Variants in ZFYVE28 observed in about 807,000 individuals in gnomAD.
ZFYVE28 encodes lateral signaling target protein 2 homolog.
A neutral mutation model predicts 82.1 loss-of-function variants in ZFYVE28; 40 were observed. The ratio of observed to expected loss-of-function variants is 0.49; its 90% CI spans 0.38 to 0.63. ZFYVE28 has a LOEUF of 0.63. ZFYVE28 is among the 30% of genes least tolerant of loss of function. The pLI is 0.00. For synonymous variants in ZFYVE28, 612 were observed against 546.1 expected (o/e 1.12, Z -1.68); for missense variants, 1,321 against 1,242.1 (o/e 1.06, Z -0.96).
intron 7 of ZFYVE28, chr4:2,316,469 A>C (rs941765673): frequency 6.6e-6 from 1 of 152,470 alleles, no homozygotes; most frequent in African/African-American, 2.4e-5. Flanking sequence ...CAGCCTCCTG[A>C]GCAGCTGGGA....
intron 1 of ZFYVE28, among the ~76,000 whole-genome samples, chr4:2,407,121 C>A (rs201066120): frequency 4.9e-5 from 2 of 40,648 alleles, no homozygotes; most frequent in African/African-American, 1.2e-4. Context: ...GACTCCTGGG[C>A]CCCACCATTG....
At chr4:2,321,909 C>A (rs1578080327) in intron 6 of ZFYVE28, among the ~76,000 whole-genome samples, 1 of 152,144 alleles carries the variant, frequency 6.6e-6, no homozygotes, top group Non-Finnish European at 1.5e-5. Context: ...GGGGACAAGG[C>A]CCACCCATGA....
intron 8 of ZFYVE28, among the ~76,000 whole-genome samples, chr4:2,276,013 C>T (rs1053549712): frequency 1.5e-4 from 23 of 152,244 alleles, no homozygotes; most frequent in Non-Finnish European, 2.9e-4. Flanking sequence ...TGGCGTGAGT[C>T]TTTTCACAGA....
intron 8 of ZFYVE28, among the ~76,000 whole-genome samples, chr4:2,303,557 A>G (rs1715953089): frequency 1.3e-5 from 2 of 152,098 alleles, no homozygotes; most frequent in Admixed American, 6.5e-5. Flanking sequence ...CCAGGGGGTC[A>G]ATGGCCCTGA....
At chr4:2,366,426 G>C (rs1208534227) in intron 1 of ZFYVE28, among the ~76,000 whole-genome samples, 1 of 152,184 alleles carries the variant, frequency 6.6e-6, no homozygotes, top group Non-Finnish European at 1.5e-5. Context: ...GACTGGTTTA[G>C]ACACCCCAAC....
chr4:2,381,631 T>C (rs538794355), intron 1 of ZFYVE28, among the ~76,000 whole-genome samples: 1 of 152,296 alleles, frequency 6.6e-6, no homozygotes, highest in East Asian at 1.9e-4. Flanking sequence ...GGTCTCAAGC[T>C]CCTGACCTCA....
chr4:2,362,045 A>G lies in ZFYVE28; in HGVS notation c.40-7972T>C, dbSNP rs1726236763. On this transcript the variant is annotated intron_variant, in intron 1 of 12. Transcript: ENST00000290974. The surrounding 1 kb of genome is among the most constrained non-coding windows in gnomAD (Gnocchi z 5.1). ...CTCCCCACACAGCTGAACCCAGGAC[A>G]TAAGCTGGGCTCTAAGCTCCAGTTC... 1.3e-5 allele frequency among the ~76,000 whole-genome samples: 2 copies of G among 152,086 alleles called. No individual in the cohort carries two copies. Among genetic ancestry groups the G allele is most frequent in the Admixed American group, 1.3e-4 (2 of 15,276 alleles).
chr4:2,395,195 G>A (rs1198975809), intron 1 of ZFYVE28, among the ~76,000 whole-genome samples: 3 of 118,194 alleles, frequency 2.5e-5, no homozygotes, highest in Admixed American at 9.1e-5. Context: ...CCCCATCTCG[G>A]TTCCTTCTGC....
chr4:2,304,879 G>A lies in ZFYVE28; in HGVS notation c.1461C>T (p.His487=). 6.2e-7 allele frequency: 1 copy of A among 1,612,692 alleles called. No homozygotes were observed. The highest frequency in any genetic ancestry group is 8.5e-7 in the Non-Finnish European group (1 of 1,179,866). ...SSCSCLDSRL[H]LDGWEVGADD... ...CCGCACCCACCTCCCAGCCGTCCAG[G>A]TGCAGCCGCGAGTCCAGGCAGCTGC... Residue 487 remains histidine (H), a synonymous_variant, in exon 8 of 13, where the codon CAC becomes CAT. Coordinates refer to ENST00000290974, the MANE Select transcript of ZFYVE28 (RefSeq NM_020972.3).
intron 1 of ZFYVE28, among the ~76,000 whole-genome samples, chr4:2,415,454 A>ACACACACACACAC (rs1166101651): frequency 6.8e-6 from 1 of 147,570 alleles, no homozygotes; most frequent in East Asian, 1.9e-4. Flanking sequence ...CTGTCTCTAC[A>ACACACACACACAC]CACACACACA....
chr4:2,387,831 C>T (rs914425514), intron 1 of ZFYVE28, among the ~76,000 whole-genome samples: 7 of 152,326 alleles, frequency 4.6e-5, no homozygotes, highest in African/African-American at 1.7e-4. Flanking sequence ...AAGAACTACC[C>T]GATAAGGAAT....
At chr4:2,363,715 C>A (rs931337763) in intron 1 of ZFYVE28, among the ~76,000 whole-genome samples, 1 of 152,230 alleles carries the variant, frequency 6.6e-6, no homozygotes, top group Non-Finnish European at 1.5e-5. Context: ...GCAGTGCCCA[C>A]AGGCAGAAGT....
chr4:2,370,536 C>A (rs3128806), intron 1 of ZFYVE28, among the ~76,000 whole-genome samples: 102,049 of 151,926 alleles, frequency 0.67, 34,536 homozygotes, highest in East Asian at 0.8. Flanking sequence ...CAAATCTTCC[C>A]CCCGTGCAGG....
At chr4:2,347,682 TGAAATCAAAGAG>T (rs1723791634) in intron 2 of ZFYVE28, among the ~76,000 whole-genome samples, 2 of 150,168 alleles carry the variant, frequency 1.3e-5, no homozygotes, top group African/African-American at 5.0e-5. Flanking sequence ...GAATCAAACA[TGAAATCAAAGAG>T]GAAATCAAAA....
chr4:2,321,384 A>G (rs566828487), intron 6 of ZFYVE28, among the ~76,000 whole-genome samples: 3 of 152,252 alleles, frequency 2.0e-5, no homozygotes, highest in African/African-American at 7.2e-5. Context: ...TTCCCTAAAA[A>G]TCGTTGGGTT....
chr4:2,393,875 C>T (rs1334196840), intron 1 of ZFYVE28, among the ~76,000 whole-genome samples: 1 of 152,206 alleles, frequency 6.6e-6, no homozygotes. Flanking sequence ...CAAATCACTA[C>T]AAACTCCACG....
chr4:2,290,377 C>A (rs570245619), intron 8 of ZFYVE28, among the ~76,000 whole-genome samples: 212 of 152,334 alleles, frequency 1.4e-3, no homozygotes, highest in Admixed American at 3.3e-3. Flanking sequence ...TCACAATGTG[C>A]CTGGTGAGAC....
rs987174296 is a variant in ZFYVE28 at position 2,300,789 on chromosome 4, C to G, written c.2051+3500G>C. On this transcript the variant is annotated intron_variant, in intron 8 of 12. Transcript: ENST00000290974. This position sits in a 1 kb window ranked among gnomAD's most constrained non-coding sequence, Gnocchi z 4.6. ...GCGACTCGCACGTGAGACTGGAAGC[C>G]GTGAATCAAGGCCGTGCCCACTGTT... 2.0e-5 allele frequency among the ~76,000 whole-genome samples: 3 copies of G among 152,122 alleles called. No homozygotes were observed. The highest frequency in any genetic ancestry group is 7.2e-5 in the African/African-American group (3 of 41,416).
rs1733106051 is a variant in ZFYVE28 at position 2,416,895 on chromosome 4, G to T, written c.39+1390C>A. On this transcript the variant is annotated intron_variant, in intron 1 of 12. Coordinates refer to ENST00000290974, the MANE Select transcript of ZFYVE28 (RefSeq NM_020972.3). This position sits in a 1 kb window ranked among gnomAD's most constrained non-coding sequence, Gnocchi z 4.6. The stretch of plus-strand genomic sequence containing the variant: ...CCCAACACTCCGGCAACGACAAACA[G>T]AATTCCCCGACCTCAAAGGCCGTGA... Among the ~76,000 whole-genome samples the T allele has an allele frequency of 6.6e-6, 1 of 151,714 alleles. No homozygotes were observed. The highest frequency in any genetic ancestry group is 6.6e-5 in the Admixed American group (1 of 15,242).
Sources: gnomAD v4.1 joint callset for allele counts (sites outside exome capture counted in the v4.1 genomes callset) on GRCh38, gnomAD v4.1.1 for gene constraint, Gnocchi (gnomAD v3.1) non-coding constraint, MANE v1.5 for transcripts, NCBI Gene and HGNC (gene_info 2026-07-23, HGNC 2026-07-21) for gene names.